The following ZBED6 variants were observed in gnomAD, a reference collection of about 807,000 sequenced individuals.
ZBED6 encodes the protein zinc finger BED-type containing 6.
A neutral mutation model predicts 58.4 loss-of-function variants in ZBED6; 40 were observed. The ratio of observed to expected loss-of-function variants is 0.68; its 90% CI spans 0.53 to 0.89. ZBED6 has a LOEUF of 0.89. ZBED6 is among the 40% of genes least tolerant of loss of function. The pLI, the probability that ZBED6 is intolerant of heterozygous loss-of-function variation, is 0.00. For synonymous variants in ZBED6, 439 were observed against 350.6 expected, an observed-to-expected ratio of 1.25 and a Z score of -2.82; for missense variants, 1,057 against 1,003.9, an observed-to-expected ratio of 1.05 and a Z score of -0.71.
chr1:203,815,676 C>T (rs1393836375), intron 1 of ZBED6, among the ~76,000 whole-genome samples: 1 of 152,114 alleles, frequency 6.6e-6, no homozygotes, highest in East Asian at 1.9e-4. Flanking sequence ...CAGTGTCAGA[C>T]TCTTAATCCA....
At position 203,818,064 on chromosome 1, in the gene ZBED6, A is replaced by G. The variant is rs371606039; in HGVS notation, c.*2754-506A>G. 1.2e-4 allele frequency among the ~76,000 whole-genome samples: 18 copies of G among 152,208 alleles called. 1 individual carries two copies. The highest frequency in any genetic ancestry group is 4.3e-4 in the African/African-American group (18 of 41,542). ...GCCCGGTGATATTATGTTTTAAATG[A>G]TGAGTTTTGAGCAAAGCTGTGATAA... On this transcript the variant is annotated intron_variant, in intron 2 of 16. Coordinates refer to ENST00000550078, the Ensembl canonical transcript of ZBED6.
intron 1 of ZBED6, among the ~76,000 whole-genome samples, chr1:203,808,651 G>C (rs969268644): frequency 6.6e-6 from 1 of 152,078 alleles, no homozygotes; most frequent in East Asian, 1.9e-4. Flanking sequence ...GTTTGGATTC[G>C]TGGAGATGTC....
At chr1:203,806,078 C>T in intron 1 of ZBED6, 1 of 508,396 alleles carries the variant, frequency 2.0e-6, no homozygotes, top group South Asian at 1.6e-5. Flanking sequence ...ACTCGCAAGG[C>T]TTTCTGCGTA....
chr1:203,848,289 G>C (rs1688426704), intron 12 of ZBED6, 42 bp from the exon 13 acceptor site: 2 of 1,528,354 alleles, frequency 1.3e-6, no homozygotes, highest in Non-Finnish European at 1.8e-6. Flanking sequence ...TGAAGTTGCA[G>C]CTTAAATAAA....
At position 203,841,002 on chromosome 1, in the gene ZBED6, T is replaced by C. The variant is rs143538975; in HGVS notation, c.*3741+628T>C. Among the ~76,000 whole-genome samples, 560 of 152,202 alleles carry C rather than the reference T, an allele frequency of 3.7e-3. 3 individuals carry two copies. Among genetic ancestry groups the C allele is most frequent in the Middle Eastern group, 0.024 (7 of 294 alleles). On this transcript the variant is annotated intron_variant, in intron 11 of 16. Transcript: ENST00000550078. Reference sequence around the variant, plus strand: ...GGTTTAGATAAAATTATGATAGTTATGTGCTAAAATAATTGCTGTCATGAA... The same window carrying C: ...GGTTTAGATAAAATTATGATAGTTACGTGCTAAAATAATTGCTGTCATGAA...
chr1:203,828,464 C>A (rs1681262455), intron 4 of ZBED6, 42 bp downstream of exon 4: 1 of 1,564,520 alleles, frequency 6.4e-7, no homozygotes, highest in Non-Finnish European at 8.7e-7. Flanking sequence ...CAAATGAACA[C>A]CTATTATGCA....
chr1:203,818,760 CAA>C (rs1677208318), intron 3 of ZBED6, 71 bp downstream of exon 3: 1 of 1,604,712 alleles, frequency 6.2e-7, no homozygotes, highest in African/African-American at 1.3e-5. Context: ...AATATAGGGA[CAA>C]AAGTGACTTT....
At chr1:203,847,747 C>T (rs1340592065) in intron 12 of ZBED6, 60 bp downstream of exon 12, 3 of 1,558,512 alleles carry the variant, frequency 1.9e-6, no homozygotes, top group Non-Finnish European at 2.6e-6. Context: ...GAGGAGTGTT[C>T]CGTGGGATCT....
At chr1:203,818,661 T>A (rs1237497731) in exon 3 of ZBED6, 2 of 1,614,194 alleles carry the variant, frequency 1.2e-6, no homozygotes, top group Non-Finnish European at 1.7e-6. Context: ...TTTCGACAGG[T>A]GTGCAGGTTT....
intron 9 of ZBED6, chr1:203,835,717 T>G (rs925269343): frequency 3.9e-6 from 1 of 256,802 alleles, no homozygotes; most frequent in African/African-American, 2.3e-5. Context: ...ACTCTGGTTT[T>G]GTTTGGTTTG....
exon 1 of ZBED6, chr1:203,797,794 C>T: frequency 6.5e-7 from 1 of 1,536,032 alleles, no homozygotes. Context: ...GATTTGGGAT[C>T]TGGGAGGCCT....
In ZBED6 at chr1:203,799,029, G is replaced by A. The variant is rs566034456; in HGVS notation, c.1507G>A (p.Val503Ile). 210 of 1,536,138 alleles carry A rather than the reference G, an allele frequency of 1.4e-4. No homozygotes were observed. The African/African-American group carries it at 2.8e-3, about 20-fold the overall frequency. ...CTATTTTATTGTGACTGTACACTGGGTTTCTTTGGAAACTGCGTCTTTTCT... is the reference window on the plus strand; with the variant it reads ...CTATTTTATTGTGACTGTACACTGGATTTCTTTGGAAACTGCGTCTTTTCT... Residue 503 changes from valine to isoleucine, a missense_variant, in exon 1 of 17, where the codon GTT (valine) becomes ATT (isoleucine). Coordinates refer to ENST00000550078, the Ensembl canonical transcript of ZBED6.
intron 8 of ZBED6, among the ~76,000 whole-genome samples, 173 bp from the exon 9 acceptor site, chr1:203,833,618 G>GTTTTTTTT (rs553171669): frequency 0.077 from 9,485 of 123,982 alleles, 499 homozygotes; most frequent in Non-Finnish European, 0.11. Flanking sequence ...ATAGGTTTGG[G>GTTTTTTTT]TTTTTTTTTT....
intron 14 of ZBED6, chr1:203,850,310 T>C (rs766062382): frequency 4.2e-6 from 3 of 712,798 alleles, no homozygotes; most frequent in Non-Finnish European, 7.0e-6. Context: ...GTAACAAATT[T>C]AAGTGGTATT....
At chr1:203,827,939 A>G (rs1432006499) in intron 3 of ZBED6, among the ~76,000 whole-genome samples, 1 of 152,250 alleles carries the variant, frequency 6.6e-6, no homozygotes, top group African/African-American at 2.4e-5. Context: ...AGAGGCATGA[A>G]TTATCCAAGG....
intron 12 of ZBED6, 92 bp from the exon 13 acceptor site, chr1:203,848,239 C>A: frequency 2.9e-6 from 3 of 1,040,000 alleles, no homozygotes; most frequent in Non-Finnish European, 4.3e-6. Flanking sequence ...TCCTGTCTTA[C>A]TACTTTCATT....
chr1:203,800,893 A>T (rs1322643783), exon 1 of ZBED6: 1 of 152,766 alleles, frequency 6.5e-6, no homozygotes, highest in Non-Finnish European at 1.5e-5. Context: ...TTCCTTAAAA[A>T]CCCTGATGCT....
intron 8 of ZBED6, among the ~76,000 whole-genome samples, chr1:203,832,963 G>A (rs1417887396): frequency 6.6e-6 from 1 of 152,210 alleles, no homozygotes. Flanking sequence ...GCTGTGCGCA[G>A]TGGCTTACAT....
At chr1:203,799,710 T>A in exon 1 of ZBED6, 1 of 725,230 alleles carries the variant, frequency 1.4e-6, no homozygotes, top group South Asian at 1.5e-5. Flanking sequence ...CAGAGAAGAT[T>A]TTCAAGTCAG....
Sources: allele counts gnomAD v4.1 joint callset (sites outside exome capture counted in the v4.1 genomes callset), GRCh38; gene constraint gnomAD v4.1.1; transcripts MANE v1.5; gene names NCBI Gene and HGNC (gene_info 2026-07-23, HGNC 2026-07-21).